Variants in KLRG1 observed in about 807,000 individuals in gnomAD.
The protein encoded by KLRG1 is killer cell lectin-like receptor subfamily G member 1.
A neutral mutation model predicts 21.8 loss-of-function variants in KLRG1; 16 were observed. The ratio of observed to expected loss-of-function variants is 0.73; its 90% CI spans 0.50 to 1.11. KLRG1 has a LOEUF of 1.11. KLRG1 is among the 50% of genes most tolerant of loss of function. The pLI is 0.00. For missense variants in KLRG1, 173 were observed against 218.3 expected (o/e 0.79, Z 1.31); for synonymous variants, 69 against 75.9 (o/e 0.91, Z 0.47).
chr12:8,999,880 C>G (rs759518051), intron 3 of KLRG1, among the ~76,000 whole-genome samples: 2 of 151,944 alleles, frequency 1.3e-5, no homozygotes, highest in Non-Finnish European at 2.9e-5. Context: ...ACTAAAAATA[C>G]AAAAATTAGC....
the KLRG1 span, among the ~76,000 whole-genome samples, chr12:9,177,370 C>A: frequency 1.3e-5 from 2 of 152,330 alleles, no homozygotes; most frequent in East Asian, 3.9e-4. Flanking sequence ...GGAAGCAGAT[C>A]TTCCAACCTC....
At chr12:9,079,503 C>G in the KLRG1 span, 23 of 1,063,660 alleles carry the variant, frequency 2.2e-5, no homozygotes, top group African/African-American at 3.5e-4. Context: ...TGGATAGTTT[C>G]CTTGAAATTA....
the KLRG1 span, among the ~76,000 whole-genome samples, chr12:9,207,087 C>T: frequency 6.6e-6 from 1 of 152,134 alleles, no homozygotes; most frequent in South Asian, 2.1e-4. Context: ...AAGCAGGAGA[C>T]TTACTGGATT....
At chr12:9,053,769 A>G in the KLRG1 span, among the ~76,000 whole-genome samples, 1 of 152,346 alleles carries the variant, frequency 6.6e-6, no homozygotes, top group African/African-American at 2.4e-5. Flanking sequence ...CTCTACAGAT[A>G]ACAACTTGAA....
upstream of KLRG1, among the ~76,000 whole-genome samples, chr12:8,986,908 C>T (rs752619132): frequency 2.6e-5 from 4 of 152,250 alleles, no homozygotes; most frequent in East Asian, 3.9e-4. Context: ...AACACCTCCC[C>T]GCGTCTCTCT....
chr12:9,064,325 A>G, the KLRG1 span: 601 of 153,464 alleles, frequency 3.9e-3, 4 homozygotes, highest in African/African-American at 0.013. The surrounding 1 kb of genome is among the most constrained non-coding windows in gnomAD (Gnocchi z 4.0). Flanking sequence ...CGCTGCCATC[A>G]CGCCAGCTGC....
chr12:9,074,600 G>A, the KLRG1 span: 195 of 1,613,512 alleles, frequency 1.2e-4, 1 homozygote, highest in African/African-American at 2.1e-3. Context: ...CTGCTGCTTC[G>A]TGATCCACTT....
chr12:9,157,984 T>C, the KLRG1 span: 2 of 743,988 alleles, frequency 2.7e-6, no homozygotes, highest in Non-Finnish European at 4.5e-6. Flanking sequence ...GACAGGTTCT[T>C]GCTCTGTAGC....
chr12:9,048,849 G>T, the KLRG1 span, among the ~76,000 whole-genome samples: 13 of 152,214 alleles, frequency 8.5e-5, 1 homozygote, highest in East Asian at 2.5e-3. Flanking sequence ...AATAAGAGAA[G>T]AAAATAAAAT....
At chr12:9,211,629 G>A in the KLRG1 span, among the ~76,000 whole-genome samples, 1 of 152,122 alleles carries the variant, frequency 6.6e-6, no homozygotes, top group African/African-American at 2.4e-5. Context: ...AACTTCATTG[G>A]TTTCCTTTGG....
At chr12:9,090,322 A>G in the KLRG1 span, 2 of 1,613,660 alleles carry the variant, frequency 1.2e-6, no homozygotes. Context: ...ACAATCTTTG[A>G]GTAGAGAATT....
At position 9,009,559 on chromosome 12, in the gene KLRG1, C is replaced by G. The variant is rs760071030; in HGVS notation, c.*22C>G. 5.0e-6 allele frequency: 8 copies of G among 1,612,690 alleles called. No homozygotes were observed. The South Asian group carries it at 8.8e-5, about 18-fold the overall frequency. ...TTGATAGATGACCACTCTGTCCTGA[C>G]CCTCAGATCTGTCATGTATCCCTAA... On this transcript the variant is annotated 3_prime_UTR_variant, in exon 5 of 5. Transcript: ENST00000356986.
chr12:9,134,270 C>G, the KLRG1 span, among the ~76,000 whole-genome samples: 1 of 152,156 alleles, frequency 6.6e-6, no homozygotes, highest in Non-Finnish European at 1.5e-5. Flanking sequence ...TGCTTGACTC[C>G]GGTCTCAAGA....
the KLRG1 span, chr12:9,160,897 A>G: frequency 1.3e-6 from 1 of 760,828 alleles, no homozygotes; most frequent in Non-Finnish European, 2.2e-6. Flanking sequence ...CCTGGGCGAC[A>G]GAGCGAGACT....
At chr12:9,034,057 C>T in the KLRG1 span, among the ~76,000 whole-genome samples, 1 of 152,116 alleles carries the variant, frequency 6.6e-6, no homozygotes, top group South Asian at 2.1e-4. Flanking sequence ...ATTGAAGAAC[C>T]CCATGAGAGA....
the KLRG1 span, chr12:9,197,002 G>A: frequency 9.9e-4 from 1,539 of 1,561,896 alleles, 17 homozygotes; most frequent in African/African-American, 0.019. Context: ...GGAGAATACC[G>A]CCTACTAACC....
the KLRG1 span, among the ~76,000 whole-genome samples, chr12:9,173,682 C>T: frequency 1.6e-4 from 25 of 152,004 alleles, no homozygotes; most frequent in East Asian, 3.9e-4. Context: ...AACAACCATC[C>T]GCAAATACTA....
the KLRG1 span, among the ~76,000 whole-genome samples, chr12:9,163,408 G>T: frequency 6.6e-6 from 1 of 150,632 alleles, no homozygotes; most frequent in Non-Finnish European, 1.5e-5. Context: ...AGCCGAGATC[G>T]CAACACTGCA....
intron 3 of KLRG1, among the ~76,000 whole-genome samples, chr12:9,006,810 G>A (rs950375080): frequency 7.9e-5 from 12 of 152,084 alleles, no homozygotes; most frequent in African/African-American, 2.7e-4. Context: ...AGAAGTTGAC[G>A]CTCAGCCAGA....
Sources: gnomAD v4.1 joint callset for allele counts (sites outside exome capture counted in the v4.1 genomes callset) on GRCh38, gnomAD v4.1.1 for gene constraint, Gnocchi (gnomAD v3.1) non-coding constraint, MANE v1.5 for transcripts, NCBI Gene and HGNC (gene_info 2026-07-23, HGNC 2026-07-21) for gene names.